ACTL8: variants seen among roughly 807,000 people sequenced by gnomAD.
ACTL8 encodes the protein actin-like protein 8.
Under a neutral mutation model 9.3 loss-of-function variants are expected in ACTL8, and 3 were observed. The observed-to-expected ratio is 0.32, with a 90% CI of 0.15 to 0.83. ACTL8 has a LOEUF of 0.83. ACTL8 is among the 40% of genes least tolerant of loss of function. The pLI, the probability that ACTL8 is intolerant of heterozygous loss-of-function variation, is 0.57. For missense variants in ACTL8, 381 were observed against 492.2 expected (o/e 0.77, Z 2.14); for synonymous variants, 224 against 205.9 (o/e 1.09, Z -0.75).
chr1:17,815,581 TA>T (rs1464890198), intron 1 of ACTL8, among the ~76,000 whole-genome samples: 1 of 152,200 alleles, frequency 6.6e-6, no homozygotes, highest in Non-Finnish European at 1.5e-5. Flanking sequence ...TTTGAAGATT[TA>T]AAAAAATATT....
rs2065960289 is a variant in ACTL8 at position 17,755,432 on chromosome 1, T to C, written c.-97T>C. 6.6e-6 allele frequency: 1 copy of C among 152,232 alleles called. No individual in the cohort carries two copies. The highest frequency in any genetic ancestry group is 2.1e-4 in the South Asian group (1 of 4,826). 9.4% of individuals were successfully genotyped at this position (152,232 alleles called of 1,614,324 possible). On this transcript the variant is annotated 5_prime_UTR_variant, in exon 1 of 3. Coordinates refer to ENST00000375406, the MANE Select transcript of ACTL8 (RefSeq NM_030812.3). ...CACACAGCACCCCTTTCAAGTTGTT[T>C]TGCAGTGGGTGCCTCTTGTGAGACA...
In ACTL8 at chr1:17,755,366, CTCGTGCAGGCGTTT is replaced by C. The variant is rs1185728566; in HGVS notation, c.-162_-149del. 1.3e-5 allele frequency: 2 copies of C among 152,208 alleles called. No homozygotes were observed. Among genetic ancestry groups the C allele is most frequent in the Non-Finnish European group, 2.9e-5 (2 of 68,034 alleles). 9.4% of individuals were successfully genotyped at this position (152,208 alleles called of 1,614,324 possible). A position where few individuals can be genotyped will look rare whatever the true frequency, so the allele number is the denominator to read the frequency against. On this transcript the variant is annotated 5_prime_UTR_variant, in exon 1 of 3. Transcript: ENST00000375406. ...GGCTGCGGCACCACGTGCAGCCGCT[CTCGTGCAGGCGTTT>C]GCAGTGTGCAGCTGAGTTCGGCAGC...
At chr1:17,815,105 T>C (rs1237236497) in intron 1 of ACTL8, among the ~76,000 whole-genome samples, 1 of 152,152 alleles carries the variant, frequency 6.6e-6, no homozygotes, top group Non-Finnish European at 1.5e-5. Context: ...TACAATAACA[T>C]GCAGTACCAG....
At chr1:17,819,960 G>A (rs778445377) in intron 1 of ACTL8, among the ~76,000 whole-genome samples, 23 of 151,790 alleles carry the variant, frequency 1.5e-4, no homozygotes, top group Non-Finnish European at 2.9e-4. Flanking sequence ...AGTGAGACGC[G>A]ATCGTGCCAC....
rs72387933 is a variant in ACTL8, at chr1:17,802,424, C to CGTGTGTGTGTGT, written c.-24-20544_-24-20533dup. Among the ~76,000 whole-genome samples the CGTGTGTGTGTGT allele has an allele frequency of 7.2e-3, 1,059 of 146,680 alleles. 11 individuals are homozygous for CGTGTGTGTGTGT. The highest frequency in any genetic ancestry group is 0.025 in the African/African-American group (995 of 39,846). ...AGCAGATCCCGGATGACTGTGCGTG[C>CGTGTGTGTGTGT]GTGTGTGTGTGTGTGTGTGTGTGTG... On this transcript the variant is annotated intron_variant, in intron 1 of 2. Coordinates refer to ENST00000375406, the MANE Select transcript of ACTL8 (RefSeq NM_030812.3).
intron 1 of ACTL8, among the ~76,000 whole-genome samples, chr1:17,759,251 C>A (rs549586488): frequency 6.6e-6 from 1 of 152,360 alleles, no homozygotes; most frequent in African/African-American, 2.4e-5. Flanking sequence ...GTCCAGGCAG[C>A]AAGCTGGGCT....
intron 1 of ACTL8, among the ~76,000 whole-genome samples, chr1:17,774,009 A>G (rs2066100575): frequency 1.3e-5 from 2 of 152,128 alleles, no homozygotes; most frequent in African/African-American, 4.8e-5. Flanking sequence ...CTGAGGCCAG[A>G]TGGTGCAGGG....
Position 17,823,493 on chromosome 1 carries a change from A to G in ACTL8, c.348+137A>G. On this transcript the variant is annotated intron_variant, in intron 2 of 2. Transcript: ENST00000375406. This position sits in a 1 kb window ranked among gnomAD's most constrained non-coding sequence, Gnocchi z 5.3. ...TGTGGTGGCTTATGCCTGTAATCCC[A>G]ACACTTTGGGACTCCCAGGCAGGCA... 1 of 849,886 alleles carries G rather than the reference A, an allele frequency of 1.2e-6. No homozygotes were observed. 52.6% of individuals were successfully genotyped at this position (849,886 alleles called of 1,614,324 possible).
rs1285383977 is a variant in ACTL8 at position 17,822,987 on chromosome 1, C to T, written c.-22C>T. ...AACCCCATCCTTTGCTTCCGCAGGT[C>T]CCACCCACCTCTGCCTCCGCCATGG... On this transcript the variant is annotated splice_region_variant and 5_prime_UTR_variant, in exon 2 of 3. Coordinates refer to ENST00000375406, the MANE Select transcript of ACTL8 (RefSeq NM_030812.3). 1.2e-6 allele frequency: 2 copies of T among 1,602,166 alleles called. No homozygotes were observed. The highest frequency in any genetic ancestry group is 2.7e-5 in the African/African-American group (2 of 74,932).
chr1:17,760,815 C>T (rs369787818), intron 1 of ACTL8, among the ~76,000 whole-genome samples: 6 of 152,208 alleles, frequency 3.9e-5, no homozygotes, highest in East Asian at 1.9e-4. Flanking sequence ...GTCCAAGCCC[C>T]GAGCTGCTGT....
intron 1 of ACTL8, among the ~76,000 whole-genome samples, chr1:17,786,545 G>GT (rs562081149): frequency 4.9e-4 from 75 of 152,304 alleles, no homozygotes; most frequent in African/African-American, 1.7e-3. Flanking sequence ...GTTACTGTTT[G>GT]TTTTTTGTGT....
At chr1:17,780,333 C>G (rs1364423716) in intron 1 of ACTL8, among the ~76,000 whole-genome samples, 3 of 152,154 alleles carry the variant, frequency 2.0e-5, no homozygotes, top group Admixed American at 6.5e-5. Flanking sequence ...AACTGAGGCT[C>G]AGAGAGGGCT....
chr1:17,758,235 A>G (rs976417898), intron 1 of ACTL8, among the ~76,000 whole-genome samples: 73 of 152,314 alleles, frequency 4.8e-4, no homozygotes, highest in African/African-American at 1.6e-3. Flanking sequence ...TTCACTGTCA[A>G]GGACAAGGTG....
chr1:17,787,778 T>C (rs114017372), intron 1 of ACTL8, among the ~76,000 whole-genome samples: 33 of 152,322 alleles, frequency 2.2e-4, no homozygotes, highest in African/African-American at 7.7e-4. Flanking sequence ...AGGCATTGGA[T>C]TGCTGGGTCA....
intron 1 of ACTL8, among the ~76,000 whole-genome samples, chr1:17,791,128 A>C (rs1049656498): frequency 1.3e-5 from 2 of 152,058 alleles, no homozygotes; most frequent in Non-Finnish European, 2.9e-5. Context: ...TGCCTACTCC[A>C]TGGAGCAGGA....
chr1:17,782,503 C>T (rs886206405), intron 1 of ACTL8, among the ~76,000 whole-genome samples: 2 of 152,160 alleles, frequency 1.3e-5, no homozygotes, highest in African/African-American at 4.8e-5. Context: ...CCACGGCGGC[C>T]ACCTGGGTAT....
intron 1 of ACTL8, among the ~76,000 whole-genome samples, chr1:17,796,835 G>T (rs1171477533): frequency 6.6e-6 from 1 of 152,224 alleles, no homozygotes; most frequent in East Asian, 1.9e-4. Flanking sequence ...GTGGCTACTT[G>T]TCGGAGTGTT....
At chr1:17,762,183 G>A (rs1435258632) in intron 1 of ACTL8, among the ~76,000 whole-genome samples, 2 of 151,984 alleles carry the variant, frequency 1.3e-5, no homozygotes, top group East Asian at 1.9e-4. Context: ...TGAGTTCCCG[G>A]GACCCAGGGT....
At position 17,826,891 on chromosome 1, in the gene ACTL8, C is replaced by T. The variant is rs2053728362; in HGVS notation, c.*372C>T. On this transcript the variant is annotated 3_prime_UTR_variant, in exon 3 of 3. Transcript: ENST00000375406. The surrounding 1 kb of genome is among the most constrained non-coding windows in gnomAD (Gnocchi z 4.5). ...GTAGGTTTTAACTGGGGTAGCACTC[C>T]TGCTAGGAGTCCCAATTATTTTTGA... 1 of 163,062 alleles carries T rather than the reference C, an allele frequency of 6.1e-6. No homozygotes were observed. The highest frequency in any genetic ancestry group is 2.0e-4 in the South Asian group (1 of 4,954). 10.1% of individuals were successfully genotyped at this position (163,062 alleles called of 1,614,324 possible).
Sources: allele counts gnomAD v4.1 joint callset (sites outside exome capture counted in the v4.1 genomes callset), GRCh38; gene constraint gnomAD v4.1.1; non-coding constraint Gnocchi (gnomAD v3.1); transcripts MANE v1.5; gene names NCBI Gene and HGNC (gene_info 2026-07-23, HGNC 2026-07-21).